TUBE1: variants seen among roughly 807,000 people sequenced by gnomAD.
TUBE1 encodes the protein tubulin epsilon chain.
Under a neutral mutation model 53.5 loss-of-function variants are expected in TUBE1, and 34 were observed. The ratio of observed to expected loss-of-function variants is 0.64; its 90% CI spans 0.48 to 0.85. The LOEUF (loss-of-function observed/expected upper bound fraction) is 0.85, where lower values mean the gene tolerates loss of function less well. Among genes scored for constraint, TUBE1 ranks in the 40% least tolerant of loss-of-function variants. The pLI, the probability that TUBE1 is intolerant of heterozygous loss-of-function variation, is 0.00. For missense variants in TUBE1, 532 were observed against 570.5 expected (o/e 0.93, Z 0.69); for synonymous variants, 177 against 198.4 (o/e 0.89, Z 0.91).
intron 9 of TUBE1, 22 bp downstream of exon 9, chr6:112,074,688 T>C: frequency 6.9e-7 from 1 of 1,445,022 alleles, no homozygotes; most frequent in Non-Finnish European, 9.1e-7. Flanking sequence ...CCTCAAAAAA[T>C]TGAAACAAAG....
At chr6:112,081,012 G>T (rs782764129) in intron 5 of TUBE1, 80 bp downstream of exon 5, 98 of 884,902 alleles carry the variant, frequency 1.1e-4, no homozygotes, top group Middle Eastern at 5.4e-4. Flanking sequence ...ATCCTGTTTC[G>T]TATCAGCAGA....
intron 5 of TUBE1, 119 bp downstream of exon 5, chr6:112,080,973 G>T: frequency 1.9e-6 from 1 of 537,136 alleles, no homozygotes. Context: ...GTGGTGGGCT[G>T]AAAGGCCTAG....
At chr6:112,080,304 T>C (rs1554316601) in intron 5 of TUBE1, among the ~76,000 whole-genome samples, 1 of 152,020 alleles carries the variant, frequency 6.6e-6, no homozygotes, top group African/African-American at 2.4e-5. Flanking sequence ...TTGTCCAAAT[T>C]TGCAAATATC....
chr6:112,071,362 G>A lies in TUBE1; in HGVS notation c.*50C>T. 7.1e-7 allele frequency: 1 copy of A among 1,418,278 alleles called. No homozygotes were observed. Among genetic ancestry groups the A allele is most frequent in the Non-Finnish European group, 9.4e-7 (1 of 1,068,830 alleles). 87.9% of individuals were successfully genotyped at this position (1,418,278 alleles called of 1,614,324 possible). A position where few individuals can be genotyped will look rare whatever the true frequency, so the allele number is the denominator to read the frequency against. ...ATTACAAAAATGTTGAAACAGAAAG[G>A]TCAGAAAAAACAATGTGAAATTAAG... is the stretch of plus-strand genomic sequence containing the variant. On this transcript the variant is annotated 3_prime_UTR_variant, in exon 12 of 12. Coordinates refer to ENST00000368662, the MANE Select transcript of TUBE1 (RefSeq NM_016262.5).
intron 6 of TUBE1, 200 bp from the exon 7 acceptor site, chr6:112,076,709 G>A (rs1036320723): frequency 1.3e-4 from 50 of 398,238 alleles, no homozygotes; most frequent in East Asian, 1.1e-3. Context: ...ATCTGGGACC[G>A]CAGGCATGAG....
Position 112,074,749 on chromosome 6 carries a change from G to C in TUBE1, c.914C>G (p.Pro305Arg), listed in dbSNP as rs200245145. 3.1e-6 allele frequency: 5 copies of C among 1,605,534 alleles called. No individual in the cohort carries two copies. In the Admixed American group the frequency reaches 6.8e-5, roughly 22 times the overall value. ...GTTAACATCTGTCAGTGTATACAGA[G>C]GTGTTAGGCTTGACACGAGATAATG... ...QLHYLVSSLTPLYTLTDVNIP... is the reference protein window; with the variant it reads ...QLHYLVSSLTRLYTLTDVNIP... The change falls in exon 9 of 12, where the codon CCT (proline) becomes CGT (arginine). Residue 305 changes from proline to arginine, a missense_variant. Physicochemically the swap from Pro to Arg is moderately radical, Grantham distance 103 (BLOSUM62 -2). Transcript: ENST00000368662.
At chr6:112,080,771 T>C (rs1777057165) in intron 5 of TUBE1, among the ~76,000 whole-genome samples, 1 of 152,084 alleles carries the variant, frequency 6.6e-6, no homozygotes. Flanking sequence ...ATTGGACAAC[T>C]TGAGAGTGAG....
Position 112,072,819 on chromosome 6 carries a change from C to T in TUBE1, c.1033G>A (p.Ala345Thr), listed in dbSNP as rs372036901. The change falls in exon 10 of 12, where the codon GCC becomes ACC. Residue 345 changes from alanine (A) to threonine (T), a missense_variant. Coordinates refer to ENST00000368662, the MANE Select transcript of TUBE1 (RefSeq NM_016262.5). ...RADPKHSLYLACALMVRGNVQ... is the reference protein window; with the variant it reads ...RADPKHSLYLTCALMVRGNVQ... The stretch of plus-strand genomic sequence containing the variant: ...TTTCCTCTAACCATGAGTGCACAGG[C>T]GAGGTAAAGACTGTGTTTGGGGTCT... 1.9e-5 allele frequency: 31 copies of T among 1,613,610 alleles called. No individual in the cohort carries two copies. In the East Asian group the frequency reaches 2.2e-4, roughly 12 times the overall value.
At position 112,079,757 on chromosome 6, in the gene TUBE1, G is replaced by A. The variant is rs782402616; in HGVS notation, c.327-3C>T. The A allele has an allele frequency of 6.9e-6, 11 of 1,594,348 alleles. No homozygotes were observed. The highest frequency in any genetic ancestry group is 1.4e-5 in the African/African-American group (1 of 73,226). On this transcript the variant is annotated splice_region_variant and splice_polypyrimidine_tract_variant and intron_variant, in intron 5 of 11. Coordinates refer to ENST00000368662, the MANE Select transcript of TUBE1 (RefSeq NM_016262.5). ...CGAAAACTTTGTGACCCACGGCCCTGAAAATTAGAATATGGATTTTAAAAA... is the reference window on the plus strand; with the variant it reads ...CGAAAACTTTGTGACCCACGGCCCTAAAAATTAGAATATGGATTTTAAAAA...
At chr6:112,078,903 T>G (rs1777019921) in intron 6 of TUBE1, among the ~76,000 whole-genome samples, 1 of 152,090 alleles carries the variant, frequency 6.6e-6, no homozygotes, top group Non-Finnish European at 1.5e-5. Context: ...ACTTGCTGAA[T>G]ATAAAATCTT....
intron 3 of TUBE1, 127 bp from the exon 4 acceptor site, chr6:112,084,373 C>T: frequency 2.8e-6 from 2 of 714,848 alleles, no homozygotes; most frequent in East Asian, 5.1e-5. Context: ...GACACAACAG[C>T]TATTCCTAAT....
Position 112,071,293 on chromosome 6 carries a change from G to A in TUBE1, c.*119C>T. On this transcript the variant is annotated 3_prime_UTR_variant, in exon 12 of 12. Transcript: ENST00000368662. The stretch of plus-strand genomic sequence containing the variant: ...CGATTAAACAGAAATCACTCTTTTA[G>A]ACAAAAATATTTCCCGATAATATGA... The A allele has an allele frequency of 2.0e-6, 2 of 1,024,998 alleles. No individual in the cohort carries two copies. The highest frequency in any genetic ancestry group is 5.7e-5 in the South Asian group (2 of 35,100). The allele number at this position is 1,024,998 out of a possible 1,614,324, so 63.5% of individuals were successfully genotyped here.
Position 112,071,136 on chromosome 6 carries a change from T to G in TUBE1, c.*276A>C, listed in dbSNP as rs1228895710. ...GTGCATAAATGCCTAAATATGAGGC[T>G]ATAAATACAGCAAAATATTCAAGAA... On this transcript the variant is annotated 3_prime_UTR_variant, in exon 12 of 12. Transcript: ENST00000368662. The G allele has an allele frequency of 5.4e-4, 136 of 249,662 alleles. 1 individual carries two copies. Among genetic ancestry groups the G allele is most frequent in the Non-Finnish European group, 1.5e-4 (20 of 131,078 alleles). 15.5% of individuals were successfully genotyped at this position (249,662 alleles called of 1,614,324 possible).
chr6:112,074,127 T>C (rs1031424725), intron 9 of TUBE1, among the ~76,000 whole-genome samples: 7 of 152,240 alleles, frequency 4.6e-5, no homozygotes, highest in Admixed American at 3.3e-4. Flanking sequence ...AATGCCACTG[T>C]GAACTTTTCA....
chr6:112,083,249 A>C (rs1777097578), intron 4 of TUBE1, among the ~76,000 whole-genome samples: 1 of 151,680 alleles, frequency 6.6e-6, no homozygotes, highest in African/African-American at 2.4e-5. Context: ...AGATGTCACA[A>C]AACTATTGCT....
At position 112,076,041 on chromosome 6, in the gene TUBE1, T is replaced by C; in HGVS notation, c.708A>G (p.Pro236=). The stretch of plus-strand genomic sequence containing the variant: ...CAGAACTTGAAGTAACCAGACTCTT[T>C]GGCTTCACAGTTGTACCCAACTTTC... ...NSGKLGTTVK[P]KSLVTSSSGA... The change falls in exon 8 of 12, where the codon CCA becomes CCG. Residue 236 remains proline (P), a synonymous_variant. Coordinates refer to ENST00000368662, the MANE Select transcript of TUBE1 (RefSeq NM_016262.5). The C allele has an allele frequency of 6.2e-7, 1 of 1,613,982 alleles. No individual in the cohort carries two copies. Among genetic ancestry groups the C allele is most frequent in the South Asian group, 1.1e-5 (1 of 91,070 alleles).
chr6:112,079,959 T>A (rs1388523210), intron 5 of TUBE1, among the ~76,000 whole-genome samples: 3 of 151,876 alleles, frequency 2.0e-5, no homozygotes, highest in African/African-American at 7.2e-5. Context: ...GTATCTATAA[T>A]CCTCAAATAT....
rs111468306 is a variant in TUBE1, at chr6:112,071,639, G to T, written c.1270-69C>A. The stretch of plus-strand genomic sequence containing the variant: ...TTAATACATAAGACTATCCTAAAAG[G>T]TAAATATTCCTTATTAAAATTAGAG... On this transcript the variant is annotated intron_variant, in intron 11 of 11. Transcript: ENST00000368662. 148 of 1,267,736 alleles carry T rather than the reference G, an allele frequency of 1.2e-4. No individual in the cohort carries two copies. In the African/African-American group the frequency reaches 2.0e-3, roughly 17 times the overall value. The allele number at this position is 1,267,736 out of a possible 1,614,324, so 78.5% of individuals were successfully genotyped here.
chr6:112,075,053 A>ATT (rs200995009), intron 8 of TUBE1: 3 of 222,914 alleles, frequency 1.3e-5, no homozygotes, highest in Non-Finnish European at 1.6e-5. Context: ...CAACATCTAC[A>ATT]TTTTTTTTTT....
Sources: gnomAD v4.1 joint callset for allele counts (sites outside exome capture counted in the v4.1 genomes callset) on GRCh38, gnomAD v4.1.1 for gene constraint, MANE v1.5 for transcripts, NCBI Gene and HGNC (gene_info 2026-07-23, HGNC 2026-07-21) for gene names.